ADIPOR2: variants seen among roughly 807,000 people sequenced by gnomAD.
The protein encoded by ADIPOR2 is adiponectin receptor 2.
A neutral mutation model predicts 40.9 loss-of-function variants in ADIPOR2; 18 were observed. The ratio of observed to expected loss-of-function variants is 0.44; its 90% CI spans 0.30 to 0.65. ADIPOR2 has a LOEUF of 0.65. Ranked by LOEUF, ADIPOR2 falls within the 30% of genes least tolerant of loss-of-function variation. The probability of loss-of-function intolerance (pLI) is 0.09; values close to 1 mark genes in which losing one functional copy is unlikely to be tolerated. For missense variants in ADIPOR2, 283 were observed against 479.2 expected, an observed-to-expected ratio of 0.59 and a Z score of 3.82; for synonymous variants, 165 against 166.4, an observed-to-expected ratio of 0.99 and a Z score of 0.06.
At chr12:1,758,126 T>C (rs531878045) in intron 2 of ADIPOR2, 2 of 470,846 alleles carry the variant, frequency 4.2e-6, no homozygotes, top group Non-Finnish European at 7.5e-6. Context: ...TAATACTATA[T>C]ATTTTTGTTT....
chr12:1,709,416 C>T (rs1487083850), intron 1 of ADIPOR2, among the ~76,000 whole-genome samples: 1 of 152,156 alleles, frequency 6.6e-6, no homozygotes, highest in South Asian at 2.1e-4. Context: ...ATGTAGATTA[C>T]AATTGATTGG....
chr12:1,691,516 T>G (rs2094626924), intron 1 of ADIPOR2, among the ~76,000 whole-genome samples: 1 of 152,228 alleles, frequency 6.6e-6, no homozygotes, highest in African/African-American at 2.4e-5. Flanking sequence ...TCTGCTCACC[T>G]TCGGGTGCAG....
intron 2 of ADIPOR2, 176 bp from the exon 3 acceptor site, chr12:1,772,666 T>C (rs1272327037): frequency 1.1e-5 from 7 of 650,068 alleles, no homozygotes; most frequent in Non-Finnish European, 1.4e-5. Context: ...TGAGTACTAG[T>C]GTTCATTTTT....
chr12:1,707,177 A>T (rs2094665059), intron 1 of ADIPOR2, among the ~76,000 whole-genome samples: 1 of 152,070 alleles, frequency 6.6e-6, no homozygotes, highest in South Asian at 2.1e-4. Context: ...CATTCACCTG[A>T]TATTTGGGTT....
Position 1,788,446 on chromosome 12 carries a change from G to T in ADIPOR2, c.*2374G>T, listed in dbSNP as rs1375651948. On this transcript the variant is annotated 3_prime_UTR_variant, in exon 8 of 8. Coordinates refer to ENST00000357103, the MANE Select transcript of ADIPOR2 (RefSeq NM_024551.3). ...TGCAGATTTTTAATTTTCTTTTTTGGCCCTAGGCTGGTTGGGACCTCTACA... is the reference window on the plus strand; with the variant it reads ...TGCAGATTTTTAATTTTCTTTTTTGTCCCTAGGCTGGTTGGGACCTCTACA... The T allele has an allele frequency of 1.3e-5, 2 of 152,532 alleles. No homozygotes were observed. Among genetic ancestry groups the T allele is most frequent in the Non-Finnish European group, 2.9e-5 (2 of 68,032 alleles). The allele number at this position is 152,532 out of a possible 1,614,324, so 9.4% of individuals were successfully genotyped here. A position where few individuals can be genotyped will look rare whatever the true frequency, so the allele number is the denominator to read the frequency against.
intron 1 of ADIPOR2, among the ~76,000 whole-genome samples, chr12:1,753,349 C>T (rs904184210): frequency 2.0e-5 from 3 of 152,162 alleles, no homozygotes; most frequent in African/African-American, 4.8e-5. Flanking sequence ...ACTTGAAAAG[C>T]TTGAACTCCT....
chr12:1,743,604 A>G (rs113393619), intron 1 of ADIPOR2, among the ~76,000 whole-genome samples: 7,619 of 151,986 alleles, frequency 0.05, 624 homozygotes, highest in African/African-American at 0.17. Context: ...GGGCACAGAA[A>G]TTCAAGGTTA....
chr12:1,751,690 A>ATTTTTTT (rs568094701), intron 1 of ADIPOR2, among the ~76,000 whole-genome samples: 1 of 147,894 alleles, frequency 6.8e-6, no homozygotes, highest in African/African-American at 2.5e-5. Context: ...AATTAAAAAA[A>ATTTTTTT]TTTTTTTTTT....
intron 7 of ADIPOR2, among the ~76,000 whole-genome samples, chr12:1,785,074 G>GAAA: frequency 6.6e-6 from 1 of 152,180 alleles, no homozygotes; most frequent in South Asian, 2.1e-4. Context: ...ATCCCCTTTG[G>GAAA]TTTCCTAGGA....
intron 1 of ADIPOR2, among the ~76,000 whole-genome samples, chr12:1,699,137 A>C (rs968958582): frequency 1.3e-5 from 2 of 152,256 alleles, no homozygotes; most frequent in East Asian, 3.9e-4. Context: ...ATATTTCTTG[A>C]GGGTAAGGAA....
chr12:1,693,047 C>T lies in ADIPOR2; in HGVS notation c.-87+1856C>T, dbSNP rs12227273. On this transcript the variant is annotated intron_variant, in intron 1 of 7. Coordinates refer to ENST00000357103, the MANE Select transcript of ADIPOR2 (RefSeq NM_024551.3). Reference sequence around the variant, plus strand: ...GCGCACTCTTGTTATCCCAGCTGCCCGGGAGGCTGAGGCAGGAGAATCGTT... The same window carrying T: ...GCGCACTCTTGTTATCCCAGCTGCCTGGGAGGCTGAGGCAGGAGAATCGTT... 2.0e-4 allele frequency among the ~76,000 whole-genome samples: 30 copies of T among 151,998 alleles called. No individual in the cohort carries two copies. In the East Asian group the frequency reaches 4.8e-3, roughly 25 times the overall value.
At position 1,716,839 on chromosome 12, in the gene ADIPOR2, G is replaced by A. The variant is rs189597573; in HGVS notation, c.-87+25648G>A. Among the ~76,000 whole-genome samples the A allele has an allele frequency of 4.8e-3, 731 of 152,246 alleles. 5 individuals carry two copies. Among genetic ancestry groups the A allele is most frequent in the South Asian group, 9.9e-3 (48 of 4,828 alleles). Reference sequence around the variant, plus strand: ...TGCTTGTGTGATTTTACCACACACTGTATCCAACTAGGTAGCATTACTGGA... The same window carrying A: ...TGCTTGTGTGATTTTACCACACACTATATCCAACTAGGTAGCATTACTGGA... On this transcript the variant is annotated intron_variant, in intron 1 of 7. Transcript: ENST00000357103.
chr12:1,776,389 A>G (rs1862596285), intron 3 of ADIPOR2, among the ~76,000 whole-genome samples: 1 of 152,160 alleles, frequency 6.6e-6, no homozygotes, highest in African/African-American at 2.4e-5. Flanking sequence ...GGTGGAGGTC[A>G]TTGTCTGAAG....
rs1862065323 is a variant in ADIPOR2 at position 1,754,286 on chromosome 12, C to T, written c.-58C>T. Reference sequence around the variant, plus strand: ...CAACTCACTATCCTGAAGGTCCATTCTCCCAAGAAGAGGGGACAGAAAGAC... The same window carrying T: ...CAACTCACTATCCTGAAGGTCCATTTTCCCAAGAAGAGGGGACAGAAAGAC... On this transcript the variant is annotated 5_prime_UTR_variant, in exon 2 of 8. Coordinates refer to ENST00000357103, the MANE Select transcript of ADIPOR2 (RefSeq NM_024551.3). 2.8e-6 allele frequency: 4 copies of T among 1,448,594 alleles called. No individual in the cohort carries two copies. The South Asian group carries it at 5.0e-5, about 18-fold the overall frequency. 89.7% of individuals were successfully genotyped at this position (1,448,594 alleles called of 1,614,324 possible).
chr12:1,729,568 C>G (rs902582307), intron 1 of ADIPOR2, among the ~76,000 whole-genome samples: 1 of 147,762 alleles, frequency 6.8e-6, no homozygotes, highest in Non-Finnish European at 1.5e-5. Context: ...CTGCATTGAC[C>G]TCCCAAAGTG....
chr12:1,750,115 T>C (rs1245494161), intron 1 of ADIPOR2, among the ~76,000 whole-genome samples: 1 of 152,110 alleles, frequency 6.6e-6, no homozygotes, highest in Non-Finnish European at 1.5e-5. Flanking sequence ...GATTTCTGAT[T>C]TATTTCATCA....
chr12:1,708,440 T>G (rs991829760), intron 1 of ADIPOR2, among the ~76,000 whole-genome samples: 1 of 152,194 alleles, frequency 6.6e-6, no homozygotes, highest in Non-Finnish European at 1.5e-5. Context: ...TTAAGAAGTA[T>G]TTAGCTACAC....
At chr12:1,740,582 G>T (rs771349395) in intron 1 of ADIPOR2, among the ~76,000 whole-genome samples, 34 of 152,188 alleles carry the variant, frequency 2.2e-4, no homozygotes, top group Non-Finnish European at 4.7e-4. Context: ...AGTACTGGGG[G>T]TTAGGACTTA....
intron 1 of ADIPOR2, among the ~76,000 whole-genome samples, chr12:1,738,897 T>C (rs1012734838): frequency 1.3e-5 from 2 of 152,208 alleles, no homozygotes; most frequent in Non-Finnish European, 2.9e-5. Flanking sequence ...GGAGCATTAA[T>C]AACAACAAAA....
Sources: allele counts gnomAD v4.1 joint callset (sites outside exome capture counted in the v4.1 genomes callset), GRCh38; gene constraint gnomAD v4.1.1; transcripts MANE v1.5; gene names NCBI Gene and HGNC (gene_info 2026-07-23, HGNC 2026-07-21).